Variants in PXDN observed in about 807,000 individuals in gnomAD.
PXDN encodes peroxidasin.
PXDN carries 77 observed loss-of-function variants against 140.3 expected under a neutral mutation model. The ratio of observed to expected loss-of-function variants is 0.55; its 90% CI spans 0.46 to 0.66. The LOEUF (loss-of-function observed/expected upper bound fraction) is 0.66, where lower values mean the gene tolerates loss of function less well. PXDN is among the 30% of genes least tolerant of loss of function. PXDN has a pLI of 0.00. For missense variants in PXDN, 1,838 were observed against 2,039.5 expected, an observed-to-expected ratio of 0.90 and a Z score of 1.90; for synonymous variants, 911 against 857.4, an observed-to-expected ratio of 1.06 and a Z score of -1.09.
intron 1 of PXDN, among the ~76,000 whole-genome samples, chr2:1,724,675 C>T (rs1255433861): frequency 6.6e-6 from 1 of 152,150 alleles, no homozygotes; most frequent in Non-Finnish European, 1.5e-5. Flanking sequence ...TCATCTATGC[C>T]TGAGTTCATT....
chr2:1,678,905 G>A (rs1046920000), intron 7 of PXDN, among the ~76,000 whole-genome samples: 1 of 152,200 alleles, frequency 6.6e-6, no homozygotes, highest in Admixed American at 6.5e-5. Context: ...AGAAACCTGA[G>A]TGGTGCAGTA....
chr2:1,661,192 G>A (rs1012109141), intron 13 of PXDN, among the ~76,000 whole-genome samples, 155 bp from the exon 14 acceptor site: 2 of 152,178 alleles, frequency 1.3e-5, no homozygotes, highest in Non-Finnish European at 2.9e-5. Flanking sequence ...GAAAGCGAAG[G>A]AGATGTGGTC....
intron 21 of PXDN, among the ~76,000 whole-genome samples, chr2:1,638,615 T>C (rs899579978): frequency 1.3e-5 from 2 of 152,276 alleles, no homozygotes; most frequent in Admixed American, 6.5e-5. Context: ...GTGACACAGA[T>C]TGCCCCTGCC....
intron 1 of PXDN, among the ~76,000 whole-genome samples, chr2:1,722,376 A>T (rs528388159): frequency 1.6e-4 from 25 of 152,160 alleles, no homozygotes. Flanking sequence ...TCCCTCTCCC[A>T]TGAGAAATTG....
In PXDN at chr2:1,663,733, AGGTGCCGCC is replaced by A. The variant is rs754763180; in HGVS notation, c.1430_1438del (p.Arg477_His479del). On this transcript the variant is annotated inframe_deletion, in exon 12 of 23. Coordinates refer to ENST00000252804, the MANE Select transcript of PXDN (RefSeq NM_012293.3). ...TCTAAGTGTTCCCGATGACAGGACC[AGGTGCCGCC>A]GGTCCACGGAGAGCTGGCTCCCTGC... 6.2e-7 allele frequency: 1 copy of A among 1,613,246 alleles called. No homozygotes were observed. Among genetic ancestry groups the A allele is most frequent in the Admixed American group, 1.7e-5 (1 of 60,034 alleles).
At chr2:1,679,088 A>ATGCG (rs1553363344) in intron 7 of PXDN, among the ~76,000 whole-genome samples, 2 of 148,052 alleles carry the variant, frequency 1.4e-5, no homozygotes, top group East Asian at 4.1e-4. Context: ...ATGTGCATGC[A>ATGCG]TGTGTGTGTG....
intron 1 of PXDN, among the ~76,000 whole-genome samples, chr2:1,732,128 T>C (rs1378651375): frequency 6.6e-6 from 1 of 152,106 alleles, no homozygotes; most frequent in Non-Finnish European, 1.5e-5. Context: ...GTTTTCAAGT[T>C]ACTGGGCATC....
chr2:1,744,135 GC>G, intron 1 of PXDN, 120 bp downstream of exon 1: 5 of 1,057,832 alleles, frequency 4.7e-6, no homozygotes, highest in Non-Finnish European at 4.9e-6. Flanking sequence ...AAGTCCCCAG[GC>G]CCCCCGCGCG....
chr2:1,733,512 C>T (rs547239623), intron 1 of PXDN, among the ~76,000 whole-genome samples: 21 of 152,206 alleles, frequency 1.4e-4, no homozygotes, highest in Non-Finnish European at 2.8e-4. Context: ...GAGGCCGAGG[C>T]GGGTGAATCA....
In PXDN at chr2:1,744,408, G is replaced by C. The variant is rs1003571796; in HGVS notation, c.48C>G (p.Leu16=). The C allele has an allele frequency of 2.0e-6, 3 of 1,512,690 alleles. No homozygotes were observed. The highest frequency in any genetic ancestry group is 2.9e-5 in the African/African-American group (2 of 69,606). 93.7% of individuals were successfully genotyped at this position (1,512,690 alleles called of 1,614,324 possible). Residue 16 remains leucine (L), a synonymous_variant, in exon 1 of 23, where the codon CTC becomes CTG. Coordinates refer to ENST00000252804, the MANE Select transcript of PXDN (RefSeq NM_012293.3). ...GCGTCCCCCAGGCGCAGAACAGCAC[G>C]AGCGCCAACAGGCAGCGGCGCCCGG... ...RGPGRRCLLA[L]VLFCAWGTLA...
At chr2:1,734,291 T>C (rs1218582109) in intron 1 of PXDN, among the ~76,000 whole-genome samples, 2 of 152,348 alleles carry the variant, frequency 1.3e-5, no homozygotes, top group Non-Finnish European at 2.9e-5. Flanking sequence ...CTAAAAAATA[T>C]ACATACTTTA....
At chr2:1,709,066 C>G (rs1410504973) in intron 1 of PXDN, among the ~76,000 whole-genome samples, 1 of 152,198 alleles carries the variant, frequency 6.6e-6, no homozygotes, top group Non-Finnish European at 1.5e-5. Context: ...CCCACGGGAG[C>G]CAGGCTCCGT....
intron 1 of PXDN, among the ~76,000 whole-genome samples, chr2:1,717,583 C>A (rs989517036): frequency 1.4e-5 from 2 of 141,706 alleles, no homozygotes; most frequent in Middle Eastern, 3.5e-3. Flanking sequence ...ATTGTTGATG[C>A]GGGAAACTTA....
chr2:1,687,451 CG>C lies in PXDN; in HGVS notation c.416+180del, dbSNP rs1484053439. ...GGTGGAGGGCTGGCTGGGTGGAAGG[CG>C]GGGCGGAGGGCAAATGACTCGCCCA... On this transcript the variant is annotated intron_variant, in intron 4 of 22. Transcript: ENST00000252804. This position sits in a 1 kb window ranked among gnomAD's most constrained non-coding sequence, Gnocchi z 4.0. Among the ~76,000 whole-genome samples, 14 of 152,078 alleles carry C rather than the reference CG, an allele frequency of 9.2e-5. No homozygotes were observed. The highest frequency in any genetic ancestry group is 1.8e-4 in the Non-Finnish European group (12 of 68,012).
Position 1,684,144 on chromosome 2 carries a change from G to T in PXDN, c.424C>A (p.His142Asn). 6.3e-7 allele frequency: 1 copy of T among 1,580,676 alleles called. No individual in the cohort carries two copies. Among genetic ancestry groups the T allele is most frequent in the Non-Finnish European group, 8.6e-7 (1 of 1,162,226 alleles). Residue 142 changes from histidine to asparagine, a missense_variant, in exon 5 of 23, where the codon CAC (histidine) becomes AAC (asparagine). This residue lies in a region of PXDN where 231 missense variants were observed against 201.5 expected (regional missense o/e 1.15). Transcript: ENST00000252804. ...TCCAAAGTTTCTATCTGATTAAAGT[G>T]CAGGTATCTAGAGGAGTTAAAAGAA... Reference protein sequence around the residue: ...GLASLEQLYLHFNQIETLDPD... With the variant: ...GLASLEQLYLNFNQIETLDPD...
intron 16 of PXDN, 178 bp downstream of exon 16, chr2:1,653,450 A>G: frequency 2.1e-6 from 2 of 966,108 alleles, no homozygotes; most frequent in South Asian, 2.8e-5. Context: ...AACCAAAGTG[A>G]GAGCGACAGG....
chr2:1,691,923 C>T lies in PXDN; in HGVS notation c.344+5G>A. 6.8e-7 allele frequency: 1 copy of T among 1,471,478 alleles called. No homozygotes were observed. The highest frequency in any genetic ancestry group is 9.2e-7 in the Non-Finnish European group (1 of 1,089,522). 91.2% of individuals were successfully genotyped at this position (1,471,478 alleles called of 1,614,324 possible). On this transcript the variant is annotated splice_donor_5th_base_variant and intron_variant, in intron 3 of 22. Transcript: ENST00000252804. Reference sequence around the variant, plus strand: ...TTTAGGTTAAAGAACTGATCATTAACTTACAGATATTTTAAATTTTCCAAG... The same window carrying T: ...TTTAGGTTAAAGAACTGATCATTAATTTACAGATATTTTAAATTTTCCAAG...
intron 1 of PXDN, among the ~76,000 whole-genome samples, chr2:1,739,141 C>T (rs1036190080): frequency 6.6e-6 from 1 of 151,740 alleles, no homozygotes; most frequent in African/African-American, 2.4e-5. Context: ...CACTCATGGA[C>T]GTCTTGAAAA....
chr2:1,724,092 T>G (rs1199806132), intron 1 of PXDN, among the ~76,000 whole-genome samples: 1 of 152,226 alleles, frequency 6.6e-6, no homozygotes, highest in African/African-American at 2.4e-5. Flanking sequence ...TGTTTTCCAC[T>G]GCTGAAACAC....
Sources: gnomAD v4.1 joint callset for allele counts (sites outside exome capture counted in the v4.1 genomes callset) on GRCh38, gnomAD v4.1.1 for gene constraint, gnomAD v4.1.1 regional missense constraint, Gnocchi (gnomAD v3.1) non-coding constraint, MANE v1.5 for transcripts, NCBI Gene and HGNC (gene_info 2026-07-23, HGNC 2026-07-21) for gene names.